The following SLC31A1 variants were observed in gnomAD, a reference collection of about 807,000 sequenced individuals.
SLC31A1 encodes the protein high affinity copper uptake protein 1.
Under a neutral mutation model 17.2 loss-of-function variants are expected in SLC31A1, and 5 were observed. That is an observed-to-expected ratio of 0.29 (90% CI 0.15 to 0.61). The LOEUF (loss-of-function observed/expected upper bound fraction) is 0.61, where lower values mean the gene tolerates loss of function less well. Ranked by LOEUF, SLC31A1 falls within the 20% of genes least tolerant of loss-of-function variation. SLC31A1 has a pLI of 0.86. For synonymous variants in SLC31A1, 76 were observed against 78.8 expected (o/e 0.96, Z 0.19); for missense variants, 161 against 241.4 (o/e 0.67, Z 2.21).
rs1340223112 is a variant in SLC31A1 at position 113,258,872 on chromosome 9, G to A, written c.371+10G>A. The A allele has an allele frequency of 1.9e-6, 3 of 1,613,828 alleles. No homozygotes were observed. Among genetic ancestry groups the A allele is most frequent in the African/African-American group, 1.3e-5 (1 of 74,922 alleles). On this transcript the variant is annotated intron_variant, in intron 4 of 4. Transcript: ENST00000374212. The surrounding 1 kb of genome is among the most constrained non-coding windows in gnomAD (Gnocchi z 4.8). ...CACACAAAACTGTTGGGTAAGAACT[G>A]AACAGATCCAGATGAAGTCCTAAAG...
chr9:113,245,118 C>T (rs1222242839), intron 1 of SLC31A1, among the ~76,000 whole-genome samples: 3 of 152,178 alleles, frequency 2.0e-5, no homozygotes, highest in African/African-American at 7.2e-5. Context: ...CCTACGATCA[C>T]TGTACCTCAA....
chr9:113,256,584 A>G (rs2119015663), intron 2 of SLC31A1: 2 of 295,326 alleles, frequency 6.8e-6, no homozygotes, highest in East Asian at 1.6e-4. Context: ...AAAGTTGGCC[A>G]GGCACAGTGG....
At chr9:113,251,889 A>G (rs1831658148) in intron 1 of SLC31A1, among the ~76,000 whole-genome samples, 1 of 152,162 alleles carries the variant, frequency 6.6e-6, no homozygotes, top group Non-Finnish European at 1.5e-5. Context: ...ATTAATCTCC[A>G]CCGGCTTTGT....
intron 1 of SLC31A1, among the ~76,000 whole-genome samples, chr9:113,234,842 T>C (rs531244448): frequency 6.6e-6 from 1 of 152,354 alleles, no homozygotes; most frequent in Admixed American, 6.5e-5. Flanking sequence ...CTCTTCAATA[T>C]GTATTTTTAC....
intron 1 of SLC31A1, among the ~76,000 whole-genome samples, chr9:113,230,917 A>T (rs1033282646): frequency 2.0e-5 from 3 of 152,070 alleles, no homozygotes; most frequent in African/African-American, 7.2e-5. Flanking sequence ...CCATTTGTGA[A>T]ATTTTCCCTG....
chr9:113,235,776 A>G (rs903041226), intron 1 of SLC31A1, among the ~76,000 whole-genome samples: 1 of 152,194 alleles, frequency 6.6e-6, no homozygotes, highest in Non-Finnish European at 1.5e-5. Context: ...ATGCCCTGCA[A>G]CAGTGAGCAG....
intron 1 of SLC31A1, chr9:113,227,334 CCT>C (rs1831352358): frequency 6.6e-6 from 1 of 152,062 alleles, no homozygotes; most frequent in African/African-American, 2.4e-5. Context: ...CTCACTGCAA[CCT>C]CTGTCTCCCA....
rs368125836 is a variant in SLC31A1, at chr9:113,240,039, AATTT to A, written c.-35-16072_-35-16069del. 1.5e-3 allele frequency among the ~76,000 whole-genome samples: 224 copies of A among 152,230 alleles called. 2 individuals carry two copies. The highest frequency in any genetic ancestry group is 5.2e-3 in the African/African-American group (216 of 41,516). The stretch of plus-strand genomic sequence containing the variant: ...TTCCTTCTACTAAACTCCAATAATT[AATTT>A]ATCAGTCTGTTTAAAGTCAGCTCCT... On this transcript the variant is annotated intron_variant, in intron 1 of 4. Transcript: ENST00000374212.
At chr9:113,249,600 A>G (rs1165426897) in intron 1 of SLC31A1, among the ~76,000 whole-genome samples, 2 of 152,264 alleles carry the variant, frequency 1.3e-5, no homozygotes, top group South Asian at 2.1e-4. Context: ...TCTTGACCTC[A>G]GGTGATCCAC....
chr9:113,258,770 G>A lies in SLC31A1; in HGVS notation c.279G>A (p.Leu93=), dbSNP rs774547989. 25 of 1,614,106 alleles carry A rather than the reference G, an allele frequency of 1.5e-5. No homozygotes were observed. The South Asian group carries it at 2.4e-4, about 16-fold the overall frequency. The change falls in exon 4 of 5, where the codon CTG becomes CTA. Residue 93 remains leucine, a synonymous_variant. Coordinates refer to ENST00000374212, the MANE Select transcript of SLC31A1 (RefSeq NM_001859.4). The surrounding 1 kb of genome is among the most constrained non-coding windows in gnomAD (Gnocchi z 4.8). ...GACTCAAGATAGCCCGAGAGAGCCT[G>A]CTGCGTAAGTCACAAGTCAGCATTC... ...YEGLKIARES[L]LRKSQVSIRY...
At chr9:113,244,165 A>G (rs1272289311) in intron 1 of SLC31A1, among the ~76,000 whole-genome samples, 2 of 150,990 alleles carry the variant, frequency 1.3e-5, no homozygotes, top group Admixed American at 6.6e-5. Flanking sequence ...CAAAAAAAAA[A>G]AAAAAAAAAA....
chr9:113,256,556 G>A (rs1831730513), intron 2 of SLC31A1: 5 of 329,014 alleles, frequency 1.5e-5, no homozygotes, highest in Admixed American at 4.4e-5. Context: ...TGCCTTGGGT[G>A]GAAAAGAGAA....
At chr9:113,249,507 C>T (rs1007202890) in intron 1 of SLC31A1, among the ~76,000 whole-genome samples, 3 of 152,012 alleles carry the variant, frequency 2.0e-5, no homozygotes, top group Non-Finnish European at 2.9e-5. Context: ...GTTGGGATTA[C>T]AGGCACGCAC....
rs762879069 is a variant in SLC31A1 at position 113,262,764 on chromosome 9, C to A, written c.*2291C>A. 2.6e-5 allele frequency: 4 copies of A among 152,566 alleles called. No individual in the cohort carries two copies. The highest frequency in any genetic ancestry group is 9.7e-5 in the African/African-American group (4 of 41,428). The allele number at this position is 152,566 out of a possible 1,614,324, so 9.5% of individuals were successfully genotyped here. A position where few individuals can be genotyped will look rare whatever the true frequency, so the allele number is the denominator to read the frequency against. On this transcript the variant is annotated 3_prime_UTR_variant, in exon 5 of 5. Coordinates refer to ENST00000374212, the MANE Select transcript of SLC31A1 (RefSeq NM_001859.4). The stretch of plus-strand genomic sequence containing the variant: ...TGTCTAAAGCCAAGGAGTCATAAAA[C>A]CATGAGAAATAAATAGGAATCAATA...
At position 113,223,633 on chromosome 9, in the gene SLC31A1, C is replaced by G. The variant is rs143895686; in HGVS notation, c.-36+1955C>G. Among the ~76,000 whole-genome samples the G allele has an allele frequency of 2.6e-5, 4 of 152,182 alleles. No individual in the cohort carries two copies. In the East Asian group the frequency reaches 5.8e-4, roughly 22 times the overall value. The stretch of plus-strand genomic sequence containing the variant: ...ATACTCATAAAATATATTGTCAACC[C>G]CCAGAAGATTGGCCAGGAAGCAGCA... On this transcript the variant is annotated intron_variant, in intron 1 of 4. Transcript: ENST00000374212.
chr9:113,235,642 G>A (rs981681157), intron 1 of SLC31A1, among the ~76,000 whole-genome samples: 14 of 152,164 alleles, frequency 9.2e-5, no homozygotes, highest in Non-Finnish European at 1.8e-4. Flanking sequence ...AGATCCCCCC[G>A]GAGAGGAGGA....
chr9:113,233,388 A>G (rs1379124487), intron 1 of SLC31A1, among the ~76,000 whole-genome samples: 1 of 152,194 alleles, frequency 6.6e-6, no homozygotes, highest in Non-Finnish European at 1.5e-5. Flanking sequence ...TCGAATCCCA[A>G]TCTCAGAAAG....
At chr9:113,238,267 G>A (rs968295775) in intron 1 of SLC31A1, among the ~76,000 whole-genome samples, 7 of 152,126 alleles carry the variant, frequency 4.6e-5, no homozygotes, top group African/African-American at 1.4e-4. Flanking sequence ...AGAGGTCAGG[G>A]ATACTGTTAA....
intron 1 of SLC31A1, among the ~76,000 whole-genome samples, chr9:113,224,499 G>T (rs977707506): frequency 6.6e-6 from 1 of 151,554 alleles, no homozygotes; most frequent in African/African-American, 2.4e-5. Flanking sequence ...CACAATCTCG[G>T]CTCACCACAA....
Sources: gnomAD v4.1 joint callset for allele counts (sites outside exome capture counted in the v4.1 genomes callset) on GRCh38, gnomAD v4.1.1 for gene constraint, Gnocchi (gnomAD v3.1) non-coding constraint, MANE v1.5 for transcripts, NCBI Gene and HGNC (gene_info 2026-07-23, HGNC 2026-07-21) for gene names.